ASRGL1: variants seen among roughly 807,000 people sequenced by gnomAD.
ASRGL1 encodes isoaspartyl peptidase/L-asparaginase.
ASRGL1 carries 16 observed loss-of-function variants against 22.4 expected under a neutral mutation model. The ratio of observed to expected loss-of-function variants is 0.71; its 90% CI spans 0.48 to 1.08. The LOEUF (loss-of-function observed/expected upper bound fraction) is 1.08, where lower values mean the gene tolerates loss of function less well. Ranked by LOEUF, ASRGL1 falls within the 50% of genes least tolerant of loss-of-function variation. The probability of loss-of-function intolerance (pLI) is 0.00; values close to 1 mark genes in which losing one functional copy is unlikely to be tolerated. For synonymous variants in ASRGL1, 165 were observed against 159.3 expected, an observed-to-expected ratio of 1.04 and a Z score of -0.27; for missense variants, 412 against 410.1, an observed-to-expected ratio of 1.00 and a Z score of -0.04.
intron 4 of ASRGL1, chr11:62,372,380 CA>C: frequency 6.4e-7 from 1 of 1,556,838 alleles, no homozygotes; most frequent in Non-Finnish European, 8.8e-7. Context: ...TGCCAATTAC[CA>C]AAATGGCCTG....
chr11:62,356,057 A>G (rs924820819), intron 2 of ASRGL1, among the ~76,000 whole-genome samples: 5 of 152,182 alleles, frequency 3.3e-5, no homozygotes, highest in Admixed American at 1.3e-4. Context: ...CGACTTCTCA[A>G]TCTTTTCCCC....
intron 2 of ASRGL1, among the ~76,000 whole-genome samples, chr11:62,350,865 A>G (rs1045714252): frequency 1.3e-5 from 2 of 152,234 alleles, no homozygotes; most frequent in Non-Finnish European, 2.9e-5. Flanking sequence ...GAAGATTTAC[A>G]TGTTATATAA....
chr11:62,356,424 G>GTA lies in ASRGL1; in HGVS notation c.293_294dup (p.Ala99Ter). On this transcript the variant is annotated frameshift_variant, in exon 3 of 7. Coordinates refer to ENST00000415229, the MANE Select transcript of ASRGL1 (RefSeq NM_001083926.2). LOFTEE classifies it high-confidence loss of function. Reference sequence around the variant, plus strand: ...GCAGGAGCAGTGTCCGCAGTCCAGTGTATAGCAAATCCCATTAAACTTGCT... The same window carrying GTA: ...GCAGGAGCAGTGTCCGCAGTCCAGTGTATATAGCAAATCCCATTAAACTTGCT... The GTA allele has an allele frequency of 6.2e-7, 1 of 1,614,236 alleles. No individual in the cohort carries two copies. Among genetic ancestry groups the GTA allele is most frequent in the Non-Finnish European group, 8.5e-7 (1 of 1,180,024 alleles).
At chr11:62,359,563 C>A (rs1946384475) in intron 4 of ASRGL1, among the ~76,000 whole-genome samples, 1 of 151,976 alleles carries the variant, frequency 6.6e-6, no homozygotes, top group African/African-American at 2.4e-5. Flanking sequence ...TGTACTAAAT[C>A]TTCAAAATCT....
At chr11:62,391,909 C>T (rs1947349070) in intron 6 of ASRGL1, 170 bp from the exon 7 acceptor site, 3 of 811,484 alleles carry the variant, frequency 3.7e-6, no homozygotes, top group South Asian at 1.8e-5. Flanking sequence ...CAGGCTGATG[C>T]TAGGGCGCTG....
At chr11:62,394,098 A>G (rs960008429), downstream of ASRGL1, among the ~76,000 whole-genome samples, 2 of 142,564 alleles carry the variant, frequency 1.4e-5, no homozygotes, top group Middle Eastern at 7.2e-3. Flanking sequence ...TACAATATAT[A>G]ATATATATTA....
downstream of ASRGL1, among the ~76,000 whole-genome samples, chr11:62,396,757 A>C (rs1352954768): frequency 8.1e-6 from 1 of 123,476 alleles, no homozygotes; most frequent in Non-Finnish European, 1.7e-5. Flanking sequence ...TGATAGGGGA[A>C]ACCAGCCTGG....
chr11:62,362,095 A>G (rs1381145466), intron 4 of ASRGL1, among the ~76,000 whole-genome samples: 2 of 152,140 alleles, frequency 1.3e-5, no homozygotes, highest in African/African-American at 4.8e-5. Context: ...ACTATGTGAC[A>G]TATACAGCCC....
chr11:62,340,394 T>C (rs1270826302), intron 2 of ASRGL1, among the ~76,000 whole-genome samples: 1 of 152,204 alleles, frequency 6.6e-6, no homozygotes, highest in Non-Finnish European at 1.5e-5. Context: ...AGCAGCCAGC[T>C]CTTTCTGTGG....
chr11:62,359,846 GT>G (rs1352496202), intron 4 of ASRGL1, among the ~76,000 whole-genome samples: 6 of 152,048 alleles, frequency 3.9e-5, no homozygotes, highest in Non-Finnish European at 8.8e-5. Context: ...CAAAAATACA[GT>G]GGTAAAATTT....
At chr11:62,347,980 C>T (rs1326324646) in intron 2 of ASRGL1, among the ~76,000 whole-genome samples, 1 of 152,104 alleles carries the variant, frequency 6.6e-6, no homozygotes, top group Non-Finnish European at 1.5e-5. Flanking sequence ...GCAAAACTTG[C>T]CTCACACGAA....
intron 2 of ASRGL1, among the ~76,000 whole-genome samples, chr11:62,343,912 G>T (rs1284793876): frequency 2.2e-5 from 3 of 138,064 alleles, no homozygotes; most frequent in African/African-American, 2.6e-5. Flanking sequence ...TTTTTGTCAT[G>T]CATTTCTTTT....
intron 2 of ASRGL1, among the ~76,000 whole-genome samples, chr11:62,340,694 A>C (rs980699326): frequency 6.6e-6 from 1 of 152,198 alleles, no homozygotes; most frequent in Non-Finnish European, 1.5e-5. Context: ...AGAGCTGAAA[A>C]GAGGGAAAGC....
intron 4 of ASRGL1, among the ~76,000 whole-genome samples, chr11:62,365,504 A>G (rs1302578925): frequency 6.6e-6 from 1 of 152,110 alleles, no homozygotes; most frequent in Non-Finnish European, 1.5e-5. Context: ...CAGTGAGCCA[A>G]GATCACGCCA....
At chr11:62,342,076 C>T (rs1422587467) in intron 2 of ASRGL1, among the ~76,000 whole-genome samples, 3 of 152,120 alleles carry the variant, frequency 2.0e-5, no homozygotes, top group Non-Finnish European at 4.4e-5. Flanking sequence ...TATAACCTGA[C>T]GCATTTACCC....
At chr11:62,399,189 C>G in the ASRGL1 span, among the ~76,000 whole-genome samples, 1 of 152,162 alleles carries the variant, frequency 6.6e-6, no homozygotes, top group African/African-American at 2.4e-5. Flanking sequence ...GCACTCCAGC[C>G]TGGGCGACAA....
At chr11:62,348,990 A>AT (rs967574128) in intron 2 of ASRGL1, among the ~76,000 whole-genome samples, 4 of 151,174 alleles carry the variant, frequency 2.6e-5, no homozygotes, top group Non-Finnish European at 5.9e-5. Context: ...GTTTTTTGAG[A>AT]TGGAGTCTCA....
chr11:62,362,668 TAATATATATTATATAAAA>T (rs1565162429), intron 4 of ASRGL1, among the ~76,000 whole-genome samples: 47 of 58,028 alleles, frequency 8.1e-4, no homozygotes, highest in African/African-American at 2.8e-3. Context: ...ATAAAATATA[TAATATATATTATATAAAA>T]TATATATTAT....
intron 4 of ASRGL1, among the ~76,000 whole-genome samples, chr11:62,358,371 G>GAA (rs34743439): frequency 0.044 from 4,936 of 111,730 alleles, 430 homozygotes; most frequent in African/African-American, 0.16. Context: ...CTCCGTCTCA[G>GAA]AAAAAAAAAA....
Sources: gnomAD v4.1 joint callset for allele counts (sites outside exome capture counted in the v4.1 genomes callset) on GRCh38, gnomAD v4.1.1 for gene constraint, MANE v1.5 for transcripts, NCBI Gene and HGNC (gene_info 2026-07-23, HGNC 2026-07-21) for gene names.